Variants in ENTHD1 observed in about 807,000 individuals in gnomAD.
The protein encoded by ENTHD1 is ENTH domain-containing protein 1.
In ENTHD1, 23 loss-of-function variants were observed where a neutral mutation model predicts 39.1. That is an observed-to-expected ratio of 0.59 (90% CI 0.42 to 0.83). The LOEUF (loss-of-function observed/expected upper bound fraction) is 0.83, where lower values mean the gene tolerates loss of function less well. Ranked by LOEUF, ENTHD1 falls within the 40% of genes least tolerant of loss-of-function variation. ENTHD1 has a pLI of 0.00. For synonymous variants in ENTHD1, 230 were observed against 258.2 expected, an observed-to-expected ratio of 0.89 and a Z score of 1.05; for missense variants, 624 against 705.4, an observed-to-expected ratio of 0.88 and a Z score of 1.31.
rs182735298 is a variant in ENTHD1, at chr22:39,752,477, G to A, written c.1220-8194C>T. On this transcript the variant is annotated intron_variant, in intron 6 of 6. Transcript: ENST00000325157. ...TGATGAAAGTGTTTCTGAATTAGTG[G>A]TGATGATTTCACAACTGAGAATACA... Among the ~76,000 whole-genome samples, 5 of 152,270 alleles carry A rather than the reference G, an allele frequency of 3.3e-5. No homozygotes were observed. The East Asian group carries it at 9.6e-4, about 29-fold the overall frequency.
At chr22:39,852,284 T>C (rs1439504485) in intron 3 of ENTHD1, among the ~76,000 whole-genome samples, 3 of 151,922 alleles carry the variant, frequency 2.0e-5, no homozygotes, top group Admixed American at 2.0e-4. Flanking sequence ...GAGGTCAAGG[T>C]GGCAGTGAAC....
At chr22:39,784,267 A>C (rs1011728800) in intron 5 of ENTHD1, among the ~76,000 whole-genome samples, 1 of 152,124 alleles carries the variant, frequency 6.6e-6, no homozygotes, top group Non-Finnish European at 1.5e-5. Flanking sequence ...GAGAATGTGG[A>C]GAAAGGGTAA....
intron 2 of ENTHD1, among the ~76,000 whole-genome samples, chr22:39,866,098 G>T (rs1232586724): frequency 6.6e-6 from 1 of 152,224 alleles, no homozygotes; most frequent in African/African-American, 2.4e-5. Context: ...TGGCCATAGG[G>T]TGTGATGCCA....
At chr22:39,775,429 C>G (rs2065358710) in intron 5 of ENTHD1, among the ~76,000 whole-genome samples, 2 of 152,126 alleles carry the variant, frequency 1.3e-5, no homozygotes, top group Admixed American at 1.3e-4. Context: ...TATTTAGTCC[C>G]TTTGATCCCA....
chr22:39,794,485 A>T (rs2065530926), intron 5 of ENTHD1, among the ~76,000 whole-genome samples: 1 of 152,198 alleles, frequency 6.6e-6, no homozygotes, highest in East Asian at 1.9e-4. Context: ...GACTTCCAGT[A>T]CTATGTTGAA....
chr22:39,799,221 G>C (rs530669458), intron 5 of ENTHD1, among the ~76,000 whole-genome samples: 1 of 152,162 alleles, frequency 6.6e-6, no homozygotes, highest in Non-Finnish European at 1.5e-5. Context: ...AGTATACCTC[G>C]GCCCTACCGC....
chr22:39,849,047 T>C (rs761262400), intron 3 of ENTHD1, among the ~76,000 whole-genome samples: 1 of 152,182 alleles, frequency 6.6e-6, no homozygotes, highest in Non-Finnish European at 1.5e-5. Flanking sequence ...GGTTATGGTT[T>C]GTTCCATTGG....
At chr22:39,776,535 T>C (rs2065366698) in intron 5 of ENTHD1, among the ~76,000 whole-genome samples, 2 of 152,196 alleles carry the variant, frequency 1.3e-5, no homozygotes, top group Admixed American at 1.3e-4. Flanking sequence ...TGATGCAAAA[T>C]GGGACTTTGA....
At chr22:39,785,919 T>C (rs1034390617) in intron 5 of ENTHD1, among the ~76,000 whole-genome samples, 1 of 152,188 alleles carries the variant, frequency 6.6e-6, no homozygotes, top group African/African-American at 2.4e-5. Context: ...CCCTCTCTGC[T>C]CGTCTCAAGT....
Position 39,821,249 on chromosome 22 carries a change from C to G in ENTHD1, c.712-136G>C, listed in dbSNP as rs1286281409. 5.4e-6 allele frequency: 6 copies of G among 1,117,588 alleles called. No individual in the cohort carries two copies. In the East Asian group the frequency reaches 1.6e-4, roughly 30 times the overall value. The allele number at this position is 1,117,588 out of a possible 1,614,324, so 69.2% of individuals were successfully genotyped here. ...TTCTAATTTAATTAACTCAAACATACATCTATCACTTGGCTGTCTACTGGG... is the reference window on the plus strand; with the variant it reads ...TTCTAATTTAATTAACTCAAACATAGATCTATCACTTGGCTGTCTACTGGG... On this transcript the variant is annotated intron_variant, in intron 4 of 6. Transcript: ENST00000325157.
intron 6 of ENTHD1, among the ~76,000 whole-genome samples, chr22:39,744,891 C>T (rs1001865733): frequency 6.6e-6 from 1 of 152,092 alleles, no homozygotes; most frequent in Non-Finnish European, 1.5e-5. Context: ...AAGTAAAAAG[C>T]ATTCTAAGCC....
intron 5 of ENTHD1, among the ~76,000 whole-genome samples, chr22:39,784,708 C>T (rs2065440507): frequency 6.6e-6 from 1 of 152,040 alleles, no homozygotes; most frequent in Non-Finnish European, 1.5e-5. Context: ...TGTTCTCACT[C>T]ATATGTGGGA....
At chr22:39,857,930 T>C (rs190204309) in intron 3 of ENTHD1, among the ~76,000 whole-genome samples, 5 of 152,308 alleles carry the variant, frequency 3.3e-5, no homozygotes, top group Admixed American at 6.5e-5. Flanking sequence ...CTTGTCTCCA[T>C]GTTGAGGGCT....
intron 5 of ENTHD1, among the ~76,000 whole-genome samples, chr22:39,791,315 A>G (rs2065502103): frequency 1.3e-5 from 2 of 148,284 alleles, no homozygotes; most frequent in South Asian, 4.2e-4. Context: ...AATTTTATAT[A>G]TAAAGATATA....
chr22:39,892,222 G>T (rs960661277), intron 1 of ENTHD1, among the ~76,000 whole-genome samples: 1 of 152,136 alleles, frequency 6.6e-6, no homozygotes, highest in African/African-American at 2.4e-5. Flanking sequence ...CGTAGAAAAG[G>T]TCTTTTAGTG....
intron 2 of ENTHD1, chr22:39,875,343 C>A (rs2146752828): frequency 3.7e-6 from 5 of 1,346,556 alleles, no homozygotes; most frequent in African/African-American, 1.5e-5. Flanking sequence ...CTGTCGGCCA[C>A]GTCCCGCGGG....
Position 39,743,919 on chromosome 22 carries a change from G to A in ENTHD1, c.1584C>T (p.Ser528=). The stretch of plus-strand genomic sequence containing the variant: ...CTTTGGTTGACTGAAAACCAGAACA[G>A]GACAGAGGGATGAACTGGTCTACAT... ...TQNVDQFIPL[S]CSGFQSTKDF... Residue 528 remains serine (S), a synonymous_variant, in exon 7 of 7, where the codon TCC becomes TCT. Coordinates refer to ENST00000325157, the MANE Select transcript of ENTHD1 (RefSeq NM_152512.4). 1 of 1,614,150 alleles carries A rather than the reference G, an allele frequency of 6.2e-7. No homozygotes were observed. Among genetic ancestry groups the A allele is most frequent in the South Asian group, 1.1e-5 (1 of 91,080 alleles).
intron 6 of ENTHD1, among the ~76,000 whole-genome samples, chr22:39,753,911 A>G (rs1046469771): frequency 5.3e-5 from 8 of 152,290 alleles, no homozygotes; most frequent in African/African-American, 1.9e-4. Context: ...AACAGATGCA[A>G]CGAAAATCCT....
At chr22:39,857,471 A>AAAAAAAAAAAAAAAAAAAAAAAAAAAAT (rs1555940780) in intron 3 of ENTHD1, among the ~76,000 whole-genome samples, 2 of 118,574 alleles carry the variant, frequency 1.7e-5, no homozygotes, top group African/African-American at 3.2e-5. Flanking sequence ...AAAAAAAAAA[A>AAAAAAAAAAAAAAAAAAAAAAAAAAAAT]GCAATCTGTG....
Sources: allele counts gnomAD v4.1 joint callset (sites outside exome capture counted in the v4.1 genomes callset), GRCh38; gene constraint gnomAD v4.1.1; transcripts MANE v1.5; gene names NCBI Gene and HGNC (gene_info 2026-07-23, HGNC 2026-07-21).